CLEC16A: variants seen among roughly 807,000 people sequenced by gnomAD.
The protein encoded by CLEC16A is C-type lectin domain containing 16A.
In CLEC16A, 51 loss-of-function variants were observed where a neutral mutation model predicts 109.5. The observed-to-expected ratio is 0.47, with a 90% confidence interval of 0.37 to 0.59. The LOEUF (loss-of-function observed/expected upper bound fraction) is 0.59, where lower values mean the gene tolerates loss of function less well. Among genes scored for constraint, CLEC16A ranks in the 20% least tolerant of loss-of-function variants. The pLI is 0.00. For missense variants in CLEC16A, 1,339 were observed against 1,394.0 expected, an observed-to-expected ratio of 0.96 and a Z score of 0.63; for synonymous variants, 673 against 564.2, an observed-to-expected ratio of 1.19 and a Z score of -2.73.
chr16:11,001,155 C>T (rs923978791), intron 10 of CLEC16A, among the ~76,000 whole-genome samples: 2 of 152,016 alleles, frequency 1.3e-5, no homozygotes, highest in Non-Finnish European at 2.9e-5. Context: ...AGTGCAGTGG[C>T]GCCATGTTGG....
chr16:11,088,868 G>A (rs924910796), intron 19 of CLEC16A, among the ~76,000 whole-genome samples: 2 of 152,172 alleles, frequency 1.3e-5, no homozygotes, highest in Admixed American at 6.5e-5. Flanking sequence ...TTGTTTAAAG[G>A]CATACTTGTT....
rs190465315 is a variant in CLEC16A at position 11,007,663 on chromosome 16, G to A, written c.1303+4358G>A. Among the ~76,000 whole-genome samples, 12 of 152,308 alleles carry A rather than the reference G, an allele frequency of 7.9e-5. No individual in the cohort carries two copies. In the East Asian group the frequency reaches 1.7e-3, roughly 22 times the overall value. Reference sequence around the variant, plus strand: ...AGGTGGAGGGCAGAGTGAGGCGCTCGAACAGCAATTTGAGTGTGGTTGCAT... The same window carrying A: ...AGGTGGAGGGCAGAGTGAGGCGCTCAAACAGCAATTTGAGTGTGGTTGCAT... On this transcript the variant is annotated intron_variant, in intron 11 of 23. Transcript: ENST00000409790.
chr16:11,133,338 CAAAAA>C (rs577277748), intron 22 of CLEC16A, among the ~76,000 whole-genome samples: 1 of 127,532 alleles, frequency 7.8e-6, no homozygotes, highest in East Asian at 2.3e-4. Context: ...GACTCTGTCT[CAAAAA>C]AAAAAAAAAA....
chr16:11,039,479 C>A (rs939293020), intron 13 of CLEC16A, among the ~76,000 whole-genome samples: 1 of 152,066 alleles, frequency 6.6e-6, no homozygotes, highest in African/African-American at 2.4e-5. Context: ...CAGCAGTTGC[C>A]AAGAGGGGAC....
chr16:11,130,449 C>T (rs566630469), intron 22 of CLEC16A, among the ~76,000 whole-genome samples: 5 of 152,176 alleles, frequency 3.3e-5, no homozygotes, highest in South Asian at 2.1e-4. Context: ...TGTCACCAAG[C>T]GAGCAAGATG....
At chr16:11,006,894 C>G in intron 11 of CLEC16A, among the ~76,000 whole-genome samples, 1 of 151,880 alleles carries the variant, frequency 6.6e-6, no homozygotes, top group East Asian at 1.9e-4. Context: ...ATTCTGCAAC[C>G]AAGAAATCAC....
chr16:11,068,028 G>A (rs2048863266), intron 19 of CLEC16A, among the ~76,000 whole-genome samples: 1 of 152,196 alleles, frequency 6.6e-6, no homozygotes, highest in Non-Finnish European at 1.5e-5. Flanking sequence ...CCTTCTGGCT[G>A]TTTCCAGGCC....
chr16:11,024,714 C>T, intron 12 of CLEC16A, 107 bp from the exon 13 acceptor site: 2 of 787,804 alleles, frequency 2.5e-6, no homozygotes, highest in Non-Finnish European at 2.1e-6. Context: ...CAGTTGTGGC[C>T]TAAAGAGCTG....
chr16:11,156,369 CA>C (rs1284066021), intron 22 of CLEC16A, among the ~76,000 whole-genome samples: 75 of 53,706 alleles, frequency 1.4e-3, no homozygotes, highest in East Asian at 2.1e-3. Context: ...GACTCCATCT[CA>C]AAAAAAAAAA....
At position 11,078,301 on chromosome 16, in the gene CLEC16A, C is replaced by T. The variant is rs536043386; in HGVS notation, c.2116+17279C>T. Reference sequence around the variant, plus strand: ...TGGCTCCGGGGTGGGGCCCTGACATCTATATTTTCAAATGCTCCCTAAAGG... The same window carrying T: ...TGGCTCCGGGGTGGGGCCCTGACATTTATATTTTCAAATGCTCCCTAAAGG... On this transcript the variant is annotated intron_variant, in intron 19 of 23. Coordinates refer to ENST00000409790, the MANE Select transcript of CLEC16A (RefSeq NM_015226.3). 5.1e-4 allele frequency among the ~76,000 whole-genome samples: 78 copies of T among 152,230 alleles called. 1 individual carries two copies. The South Asian group carries it at 0.016, about 31-fold the overall frequency.
At chr16:11,151,608 T>C (rs2054293103) in intron 22 of CLEC16A, among the ~76,000 whole-genome samples, 1 of 152,240 alleles carries the variant, frequency 6.6e-6, no homozygotes, top group African/African-American at 2.4e-5. Flanking sequence ...CTTGCATCTG[T>C]ATAGATGAAT....
At chr16:11,076,697 G>A (rs1286652074) in intron 19 of CLEC16A, among the ~76,000 whole-genome samples, 10 of 152,142 alleles carry the variant, frequency 6.6e-5, no homozygotes, top group African/African-American at 1.7e-4. Context: ...CAGACAGCGC[G>A]ACCTTTAAGG....
chr16:11,158,886 C>T (rs1436839354), intron 22 of CLEC16A, among the ~76,000 whole-genome samples: 1 of 148,800 alleles, frequency 6.7e-6, no homozygotes, highest in Non-Finnish European at 1.5e-5. Flanking sequence ...TGCCACTGCA[C>T]TCTAGCCTGG....
At chr16:10,993,487 G>C (rs985622930) in intron 10 of CLEC16A, among the ~76,000 whole-genome samples, 1 of 152,182 alleles carries the variant, frequency 6.6e-6, no homozygotes, top group Admixed American at 6.5e-5. Context: ...TCCCCATAAG[G>C]AAGCCAAGGT....
chr16:11,097,382 T>A (rs1358221654), intron 19 of CLEC16A, among the ~76,000 whole-genome samples: 1 of 152,248 alleles, frequency 6.6e-6, no homozygotes, highest in African/African-American at 2.4e-5. Context: ...TTCTCTGTGT[T>A]TTGGGGGCCT....
At chr16:10,978,884 A>C (rs1020521133) in intron 8 of CLEC16A, among the ~76,000 whole-genome samples, 1 of 152,170 alleles carries the variant, frequency 6.6e-6, no homozygotes, top group African/African-American at 2.4e-5. Flanking sequence ...GGTGGGTGTG[A>C]AATGGAGCAT....
chr16:11,100,480 A>G (rs557774661), intron 19 of CLEC16A, among the ~76,000 whole-genome samples: 9 of 152,294 alleles, frequency 5.9e-5, no homozygotes, highest in African/African-American at 2.2e-4. Context: ...TCTGGTCCAG[A>G]TTTCACTAAC....
intron 22 of CLEC16A, among the ~76,000 whole-genome samples, chr16:11,129,635 C>T (rs1217921098): frequency 6.6e-6 from 1 of 152,224 alleles, no homozygotes; most frequent in Non-Finnish European, 1.5e-5. Context: ...ATGTCTGTAC[C>T]CAGATGTTGG....
At chr16:11,176,600 T>G (rs535983671) in intron 23 of CLEC16A, among the ~76,000 whole-genome samples, 2 of 152,162 alleles carry the variant, frequency 1.3e-5, no homozygotes, top group Non-Finnish European at 2.9e-5. Context: ...TAGCCAGGTG[T>G]GGTGACACGG....
Sources: allele counts gnomAD v4.1 joint callset (sites outside exome capture counted in the v4.1 genomes callset), GRCh38; gene constraint gnomAD v4.1.1; transcripts MANE v1.5; gene names NCBI Gene and HGNC (gene_info 2026-07-23, HGNC 2026-07-21).